The following CDYL variants were observed in gnomAD, a reference collection of about 807,000 sequenced individuals.
The protein encoded by CDYL is chromodomain Y like, also known as chromodomain Y-like protein.
In CDYL, 8 loss-of-function variants were observed where a neutral mutation model predicts 47.3. The ratio of observed to expected loss-of-function variants is 0.17; its 90% CI spans 0.10 to 0.31. The LOEUF (loss-of-function observed/expected upper bound fraction) is 0.31. Ranked by LOEUF, CDYL falls within the 10% of genes least tolerant of loss-of-function variation. CDYL has a pLI of 1.00. For missense variants in CDYL, 471 were observed against 701.4 expected (o/e 0.67, Z 3.71); for synonymous variants, 266 against 265.0 (o/e 1.00, Z -0.04).
chr6:4,928,297 T>A lies in CDYL; in HGVS notation c.692-7218T>A, dbSNP rs950394246. On this transcript the variant is annotated intron_variant, in intron 2 of 6. Transcript: ENST00000397588. ...GTGTGAGGGGGGCTGTCTTTTTATGTTTCTTAGTACAATTTGATGTTTTCT... is the reference window on the plus strand; with the variant it reads ...GTGTGAGGGGGGCTGTCTTTTTATGATTCTTAGTACAATTTGATGTTTTCT... 2.0e-5 allele frequency among the ~76,000 whole-genome samples: 3 copies of A among 152,212 alleles called. No homozygotes were observed. The South Asian group carries it at 6.2e-4, about 31-fold the overall frequency.
chr6:4,950,384 G>A (rs182050099), intron 5 of CDYL, among the ~76,000 whole-genome samples: 1 of 152,346 alleles, frequency 6.6e-6, no homozygotes, highest in East Asian at 1.9e-4. Flanking sequence ...TGTGGCTGTA[G>A]TGTCCTCACT....
chr6:4,874,744 G>A lies in CDYL; in HGVS notation c.25-16969G>A, dbSNP rs188639713. On this transcript the variant is annotated intron_variant, in intron 1 of 6. Transcript: ENST00000397588. ...CCCATCGCCCCATCACCATGGATAA[G>A]CACTGTTCTCATGTCCCTTTCCACA... 1.2e-4 allele frequency among the ~76,000 whole-genome samples: 18 copies of A among 152,306 alleles called. No individual in the cohort carries two copies. In the East Asian group the frequency reaches 3.5e-3, roughly 29 times the overall value.
Position 4,895,391 on chromosome 6 carries a change from A to G in CDYL, c.691+3012A>G, listed in dbSNP as rs1164530039. Among the ~76,000 whole-genome samples, 2 of 7,762 alleles carry G rather than the reference A, an allele frequency of 2.6e-4. 1 individual carries two copies. The highest frequency in any genetic ancestry group is 2.7e-4 in the African/African-American group (2 of 7,438). The allele number at this position is 7,762 out of a possible 152,430, so 5.1% of individuals were successfully genotyped here. A position where few individuals can be genotyped will look rare whatever the true frequency, so the allele number is the denominator to read the frequency against. On this transcript the variant is annotated intron_variant, in intron 2 of 6. Transcript: ENST00000397588. ...TATGCATGTATGTATATATGTGCAT[A>G]TATGCATGTATACATGTATACGTAT...
At chr6:4,730,658 G>C (rs1387365300) in intron 2 of CDYL, among the ~76,000 whole-genome samples, 2 of 113,190 alleles carry the variant, frequency 1.8e-5, no homozygotes, top group Non-Finnish European at 3.4e-5. Context: ...TGGGCAACAA[G>C]AGCGAAATTC....
At chr6:4,840,252 T>C (rs558230168) in intron 1 of CDYL, among the ~76,000 whole-genome samples, 41 of 152,300 alleles carry the variant, frequency 2.7e-4, no homozygotes, top group South Asian at 1.7e-3. Context: ...TTTGTGTACA[T>C]TAGCTTTGTA....
chr6:4,892,865 T>C (rs943146800), intron 2 of CDYL, among the ~76,000 whole-genome samples: 1 of 152,196 alleles, frequency 6.6e-6, no homozygotes, highest in Non-Finnish European at 1.5e-5. Context: ...CCGGGCTCGT[T>C]TCTCTGTTGT....
At chr6:4,726,842 T>C (rs9392629) in intron 2 of CDYL, among the ~76,000 whole-genome samples, 21,457 of 152,216 alleles carry the variant, frequency 0.14, 2,018 homozygotes, top group African/African-American at 0.28. Context: ...GAAGGGTGCT[T>C]ATGATTTTTG....
intron 1 of CDYL, among the ~76,000 whole-genome samples, chr6:4,778,445 C>G (rs535317172): frequency 2.0e-5 from 3 of 152,124 alleles, no homozygotes; most frequent in Admixed American, 2.0e-4. Flanking sequence ...TATTCTATAT[C>G]TTCAGGTTTC....
At chr6:4,758,351 A>AAAATATATATATAT (rs1554134098) in intron 3 of CDYL, among the ~76,000 whole-genome samples, 4 of 129,074 alleles carry the variant, frequency 3.1e-5, no homozygotes, top group African/African-American at 9.2e-5. Flanking sequence ...AAAATAAATA[A>AAAATATATATATAT]ATATATATAT....
intron 2 of CDYL, among the ~76,000 whole-genome samples, chr6:4,903,370 A>G (rs1442880478): frequency 1.3e-5 from 2 of 152,202 alleles, no homozygotes; most frequent in Non-Finnish European, 2.9e-5. Context: ...TAGTTTTTCT[A>G]CTACCTGCCA....
chr6:4,766,364 C>T (rs1333493638), intron 3 of CDYL, among the ~76,000 whole-genome samples: 1 of 151,990 alleles, frequency 6.6e-6, no homozygotes, highest in South Asian at 2.1e-4. Flanking sequence ...CATGTGCCAC[C>T]ATGCCTGGCT....
At chr6:4,730,187 C>T (rs957593879) in intron 2 of CDYL, among the ~76,000 whole-genome samples, 6 of 152,038 alleles carry the variant, frequency 3.9e-5, no homozygotes, top group Non-Finnish European at 7.4e-5. Flanking sequence ...AGACTTAATT[C>T]TGTGTTTTTC....
At chr6:4,806,105 A>C (rs1005667902) in intron 1 of CDYL, among the ~76,000 whole-genome samples, 1 of 152,228 alleles carries the variant, frequency 6.6e-6, no homozygotes, top group Non-Finnish European at 1.5e-5. Context: ...AAGACCTGCC[A>C]GTGCTGGACA....
chr6:4,751,424 A>C (rs1757988888), intron 3 of CDYL, among the ~76,000 whole-genome samples: 1 of 152,270 alleles, frequency 6.6e-6, no homozygotes, highest in Non-Finnish European at 1.5e-5. Context: ...TACAACCTTC[A>C]GTCTTTCAAA....
At chr6:4,724,184 G>A (rs1405956629) in intron 2 of CDYL, among the ~76,000 whole-genome samples, 2 of 152,040 alleles carry the variant, frequency 1.3e-5, no homozygotes, top group Non-Finnish European at 2.9e-5. Flanking sequence ...GGGACCACAG[G>A]CATGTGCCAT....
chr6:4,746,311 C>T (rs1026116675), intron 3 of CDYL, among the ~76,000 whole-genome samples: 8 of 149,746 alleles, frequency 5.3e-5, no homozygotes, highest in African/African-American at 2.0e-4. Context: ...TTGCAATGAA[C>T]CAAGATTGCC....
intron 2 of CDYL, among the ~76,000 whole-genome samples, chr6:4,925,409 CTTTTTTT>C (rs58457972): frequency 2.7e-5 from 3 of 109,246 alleles, no homozygotes; most frequent in Admixed American, 1.2e-4. Flanking sequence ...ATTCTTTTTT[CTTTTTTT>C]TTTTTTTTTT....
At chr6:4,867,243 T>C (rs1761348583) in intron 1 of CDYL, among the ~76,000 whole-genome samples, 1 of 152,070 alleles carries the variant, frequency 6.6e-6, no homozygotes, top group Non-Finnish European at 1.5e-5. Flanking sequence ...TTCTCAAAAG[T>C]TTTTTTAAAA....
intron 1 of CDYL, among the ~76,000 whole-genome samples, chr6:4,803,622 G>A (rs536967698): frequency 3.3e-5 from 5 of 152,090 alleles, no homozygotes; most frequent in African/African-American, 1.2e-4. Context: ...GCCTGTCTGC[G>A]TGGGCTCTAA....
Sources: allele counts gnomAD v4.1 joint callset (sites outside exome capture counted in the v4.1 genomes callset), GRCh38; gene constraint gnomAD v4.1.1; transcripts MANE v1.5; gene names NCBI Gene and HGNC (gene_info 2026-07-23, HGNC 2026-07-21).